The following PCDHA8 variants were observed in gnomAD, a reference collection of about 807,000 sequenced individuals.
PCDHA8 encodes the protein protocadherin alpha 8, also known as protocadherin alpha-8.
A neutral mutation model predicts 61.8 loss-of-function variants in PCDHA8; 53 were observed. The observed-to-expected ratio is 0.86, with a 90% CI of 0.69 to 1.08. The LOEUF (loss-of-function observed/expected upper bound fraction) is 1.08. PCDHA8 is among the 50% of genes least tolerant of loss of function. The pLI, the probability that PCDHA8 is intolerant of heterozygous loss-of-function variation, is 0.00. For synonymous variants in PCDHA8, 618 were observed against 556.6 expected, an observed-to-expected ratio of 1.11 and a Z score of -1.55; for missense variants, 1,293 against 1,245.0, an observed-to-expected ratio of 1.04 and a Z score of -0.58.
At chr5:140,947,027 A>G (rs554018076) in intron 1 of PCDHA8, among the ~76,000 whole-genome samples, 2 of 151,820 alleles carry the variant, frequency 1.3e-5, no homozygotes, top group African/African-American at 2.4e-5. Context: ...GAGGTAATGG[A>G]TATACTAATT....
intron 1 of PCDHA8, among the ~76,000 whole-genome samples, chr5:140,950,045 A>G (rs1293026782): frequency 1.3e-5 from 2 of 151,934 alleles, no homozygotes; most frequent in Non-Finnish European, 2.9e-5. Context: ...ACAACCATAT[A>G]AGACTATTTA....
intron 1 of PCDHA8, chr5:140,882,644 A>G (rs368491324): frequency 1.9e-6 from 3 of 1,614,138 alleles, no homozygotes; most frequent in Admixed American, 1.7e-5. Flanking sequence ...GGTGAGGGAC[A>G]TTAACGACAA....
chr5:140,856,987 C>G (rs144244943), intron 1 of PCDHA8: 1 of 1,595,238 alleles, frequency 6.3e-7, no homozygotes, highest in Non-Finnish European at 8.6e-7. Flanking sequence ...AGGACAGTAA[C>G]ACTTATGAAA....
chr5:140,876,536 TG>T (rs781943442), intron 1 of PCDHA8: 1 of 1,614,238 alleles, frequency 6.2e-7, no homozygotes, highest in South Asian at 1.1e-5. Flanking sequence ...GTTACTTCAC[TG>T]TCGCTCCCTG....
In PCDHA8 at chr5:140,876,964, C is replaced by T. The variant is rs781890307; in HGVS notation, c.2394+33249C>T. ...GGTGTCCTACTCGCTGGTGGAGCGG[C>T]GGGTGGGCGAGCACGCACTGTCGAG... On this transcript the variant is annotated intron_variant, in intron 1 of 3. Coordinates refer to ENST00000531613, the MANE Select transcript of PCDHA8 (RefSeq NM_018911.3). 2.5e-6 allele frequency: 4 copies of T among 1,613,060 alleles called. No individual in the cohort carries two copies. The highest frequency in any genetic ancestry group is 3.4e-6 in the Non-Finnish European group (4 of 1,179,806).
chr5:141,005,664 T>G (rs1554260244), intron 3 of PCDHA8, among the ~76,000 whole-genome samples: 1 of 122,102 alleles, frequency 8.2e-6, no homozygotes. Flanking sequence ...ATCGCGCCAC[T>G]GCACTCCAGC....
intron 1 of PCDHA8, chr5:140,847,563 C>T (rs1288728812): frequency 1.3e-5 from 2 of 148,928 alleles, no homozygotes; most frequent in African/African-American, 2.5e-5. Context: ...GAAATTGCCC[C>T]GAGTACTAAG....
chr5:140,997,071 A>G lies in PCDHA8; in HGVS notation c.2543-12556A>G, dbSNP rs554920320. Among the ~76,000 whole-genome samples, 444 of 152,266 alleles carry G rather than the reference A, an allele frequency of 2.9e-3. 5 individuals carry two copies. Among genetic ancestry groups the G allele is most frequent in the Non-Finnish European group, 4.4e-3 (297 of 68,014 alleles). Reference sequence around the variant, plus strand: ...TTTAGAGCAGTTTTAGGTTCACAGGAAAGTTGAGTAGAAAGTGCAGAGTTC... The same window carrying G: ...TTTAGAGCAGTTTTAGGTTCACAGGGAAGTTGAGTAGAAAGTGCAGAGTTC... On this transcript the variant is annotated intron_variant, in intron 3 of 3. Coordinates refer to ENST00000531613, the MANE Select transcript of PCDHA8 (RefSeq NM_018911.3).
rs1041924506 is a variant in PCDHA8 at position 140,932,800 on chromosome 5, C to T, written c.2395-46149C>T. ...GAGTGGACATAAGAGAAAAGCAATA[C>T]CTTGGAAACATATAAGTGGGAAAGT... On this transcript the variant is annotated intron_variant, in intron 1 of 3. Coordinates refer to ENST00000531613, the MANE Select transcript of PCDHA8 (RefSeq NM_018911.3). Among the ~76,000 whole-genome samples the T allele has an allele frequency of 2.6e-5, 4 of 151,684 alleles. No homozygotes were observed. The East Asian group carries it at 5.8e-4, about 22-fold the overall frequency.
At position 140,924,901 on chromosome 5, in the gene PCDHA8, A is replaced by AAAAT. The variant is rs1554202314; in HGVS notation, c.2395-54045_2395-54044insTAAA. ...CAGAGCAAGAACCTGTCTCAAAAAA[A>AAAAT]AAAATAAAATAAAATAAAATAAAAT... On this transcript the variant is annotated intron_variant, in intron 1 of 3. Coordinates refer to ENST00000531613, the MANE Select transcript of PCDHA8 (RefSeq NM_018911.3). 7.3e-4 allele frequency among the ~76,000 whole-genome samples: 59 copies of AAAAT among 80,496 alleles called. 1 individual carries two copies. The highest frequency in any genetic ancestry group is 6.1e-3 in the Middle Eastern group (1 of 164). The allele number at this position is 80,496 out of a possible 152,430, so 52.8% of individuals were successfully genotyped here. A position where few individuals can be genotyped will look rare whatever the true frequency, so the allele number is the denominator to read the frequency against.
intron 1 of PCDHA8, among the ~76,000 whole-genome samples, chr5:140,943,307 T>C (rs1554215574): frequency 6.7e-6 from 1 of 149,570 alleles, no homozygotes; most frequent in Non-Finnish European, 1.5e-5. Flanking sequence ...TGGGAAGTCA[T>C]TATTAGCAAT....
intron 1 of PCDHA8, chr5:140,877,444 G>A (rs782552942): frequency 6.2e-7 from 1 of 1,613,864 alleles, no homozygotes; most frequent in South Asian, 1.1e-5. Context: ...CGGTGAGCCC[G>A]CGCTGACGTC....
intron 1 of PCDHA8, among the ~76,000 whole-genome samples, chr5:140,909,031 A>G (rs782567758): frequency 7.9e-5 from 12 of 152,106 alleles, no homozygotes; most frequent in Non-Finnish European, 1.6e-4. Flanking sequence ...TTAGTCATTT[A>G]TTTTCCATAC....
intron 1 of PCDHA8, chr5:140,876,480 C>A (rs368324550): frequency 6.2e-7 from 1 of 1,613,992 alleles, no homozygotes; most frequent in Non-Finnish European, 8.5e-7. Context: ...ACAGCATGGT[C>A]CTGGTGGAAG....
rs1778250066 is a variant in PCDHA8 at position 140,842,758 on chromosome 5, G to A, written c.1437G>A (p.Ala479=). Residue 479 remains alanine (A), a synonymous_variant, in exon 1 of 4, where the codon GCG becomes GCA. Coordinates refer to ENST00000531613, the MANE Select transcript of PCDHA8 (RefSeq NM_018911.3). ...GCTGCCACATCTTCACGGTGTCTGC[G>A]CGAGACGCGGACGCGCAGGAGAACG... ...PPGCHIFTVS[A]RDADAQENAL... The A allele has an allele frequency of 1.9e-6, 3 of 1,594,690 alleles. No individual in the cohort carries two copies. The highest frequency in any genetic ancestry group is 1.7e-6 in the Non-Finnish European group (2 of 1,165,422).
At chr5:140,904,471 C>G (rs2071156688) in intron 1 of PCDHA8, among the ~76,000 whole-genome samples, 1 of 151,730 alleles carries the variant, frequency 6.6e-6, no homozygotes, top group Non-Finnish European at 1.5e-5. Context: ...TGATTGGTGG[C>G]TATTTGGTCT....
rs151084513 is a variant in PCDHA8, at chr5:140,927,608, G to T, written c.2395-51341G>T. The T allele has an allele frequency of 1.2e-6, 2 of 1,614,168 alleles. No individual in the cohort carries two copies. The highest frequency in any genetic ancestry group is 3.3e-4 in the Middle Eastern group (2 of 6,062). Reference sequence around the variant, plus strand: ...CCTGTATTTGAGCGCTCCGTATACCGCACCAAGGTTCCAGAGACTGCACCC... The same window carrying T: ...CCTGTATTTGAGCGCTCCGTATACCTCACCAAGGTTCCAGAGACTGCACCC... On this transcript the variant is annotated intron_variant, in intron 1 of 3. Coordinates refer to ENST00000531613, the MANE Select transcript of PCDHA8 (RefSeq NM_018911.3).
At chr5:140,993,509 CGG>C (rs2097568014) in intron 3 of PCDHA8, among the ~76,000 whole-genome samples, 2 of 143,600 alleles carry the variant, frequency 1.4e-5, no homozygotes, top group South Asian at 4.6e-4. Context: ...CACACACACA[CGG>C]GGAGAGAGAG....
chr5:140,896,188 G>C (rs1554186861), intron 1 of PCDHA8, among the ~76,000 whole-genome samples: 1 of 152,132 alleles, frequency 6.6e-6, no homozygotes, highest in Non-Finnish European at 1.5e-5. Context: ...ATTGTGAATA[G>C]TGCCATGATG....
Sources: gnomAD v4.1 joint callset for allele counts (sites outside exome capture counted in the v4.1 genomes callset) on GRCh38, gnomAD v4.1.1 for gene constraint, MANE v1.5 for transcripts, NCBI Gene and HGNC (gene_info 2026-07-23, HGNC 2026-07-21) for gene names.